Variants in PCDH15 observed in about 807,000 individuals in gnomAD.
The protein encoded by PCDH15 is protocadherin related 15.
A neutral mutation model predicts 178.5 loss-of-function variants in PCDH15; 129 were observed. The ratio of observed to expected loss-of-function variants is 0.72; its 90% confidence interval spans 0.63 to 0.84. PCDH15 has a LOEUF of 0.84. Ranked by LOEUF, PCDH15 falls within the 40% of genes least tolerant of loss-of-function variation. The pLI, the probability that PCDH15 is intolerant of heterozygous loss-of-function variation, is 0.00. For synonymous variants in PCDH15, 800 were observed against 732.0 expected (o/e 1.09, Z -1.50); for missense variants, 2,230 against 2,099.9 (o/e 1.06, Z -1.21).
chr10:54,966,645 T>C (rs1838798962), intron 2 of PCDH15, among the ~76,000 whole-genome samples: 1 of 152,096 alleles, frequency 6.6e-6, no homozygotes, highest in Non-Finnish European at 1.5e-5. Context: ...GGGAGATCAT[T>C]GAATCATGGG....
At chr10:53,990,363 C>T (rs2091381260) in intron 21 of PCDH15, among the ~76,000 whole-genome samples, 1 of 151,534 alleles carries the variant, frequency 6.6e-6, no homozygotes, top group Non-Finnish European at 1.5e-5. Context: ...AGTGAGAATA[C>T]TAAGTATTTG....
chr10:55,362,577 C>G lies in PCDH15; in HGVS notation c.-155-195926G>C, dbSNP rs142535797. ...ATCTTGTGTAAATATAGTACAGTAT[C>G]ACAACCATGAAATTGATGGATATAA... On this transcript the variant is annotated intron_variant, in intron 2 of 5. Coordinates refer to the PCDH15 transcript ENST00000613346. Among the ~76,000 whole-genome samples, 10 of 152,224 alleles carry G rather than the reference C, an allele frequency of 6.6e-5. 1 individual carries two copies. Among genetic ancestry groups the G allele is most frequent in the Middle Eastern group, 6.8e-3 (2 of 294 alleles).
At chr10:55,152,315 G>A (rs1009362329) in intron 2 of PCDH15, among the ~76,000 whole-genome samples, 1 of 151,610 alleles carries the variant, frequency 6.6e-6, no homozygotes, top group Non-Finnish European at 1.5e-5. Flanking sequence ...TCACATAATA[G>A]GTCCGTATAG....
At chr10:55,296,922 G>T (rs1843146931) in intron 1 of PCDH15, among the ~76,000 whole-genome samples, 3 of 151,952 alleles carry the variant, frequency 2.0e-5, no homozygotes, top group Non-Finnish European at 4.4e-5. Context: ...AACTTCTGTT[G>T]TTCTATTTTG....
Position 54,344,795 on chromosome 10 carries a change from TC to T in PCDH15, c.594+1569del, listed in dbSNP as rs755288945. Among the ~76,000 whole-genome samples the T allele has an allele frequency of 7.1e-4, 107 of 151,378 alleles. 1 individual carries two copies. The highest frequency in any genetic ancestry group is 1.8e-3 in the Admixed American group (28 of 15,158). On this transcript the variant is annotated intron_variant, in intron 6 of 37. Transcript: ENST00000644397. Reference sequence around the variant, plus strand: ...TTTCTTTGCTACTTCCCACTTCATTTCTTATGTAACCCTTCATACTGTCCTT... The same window carrying T: ...TTTCTTTGCTACTTCCCACTTCATTTTTATGTAACCCTTCATACTGTCCTT...
chr10:54,141,009 T>C (rs992239428), intron 14 of PCDH15, among the ~76,000 whole-genome samples: 7 of 152,014 alleles, frequency 4.6e-5, no homozygotes, highest in Admixed American at 2.0e-4. Context: ...TTCATTTATT[T>C]GCTATTTGTT....
In PCDH15 at chr10:53,803,843, C is replaced by T. The variant is rs1008124835; in HGVS notation, c.*2736G>A. 6 of 152,022 alleles carry T rather than the reference C, an allele frequency of 3.9e-5. No individual in the cohort carries two copies. Among genetic ancestry groups the T allele is most frequent in the African/African-American group, 1.4e-4 (6 of 41,526 alleles). 9.4% of individuals were successfully genotyped at this position (152,022 alleles called of 1,614,324 possible). On this transcript the variant is annotated 3_prime_UTR_variant, in exon 38 of 38. Coordinates refer to ENST00000644397, the MANE Select transcript of PCDH15 (RefSeq NM_001384140.1). ...AGCCAAGACCTGCTGTTTCTTCTGC[C>T]TGATTGAAGCTAGTGCTGATTGAGA...
intron 8 of PCDH15, among the ~76,000 whole-genome samples, chr10:54,237,881 C>T (rs1038262020): frequency 6.6e-6 from 1 of 152,160 alleles, no homozygotes; most frequent in Non-Finnish European, 1.5e-5. Flanking sequence ...AACTGTACTG[C>T]AAATCTTTTC....
intron 36 of PCDH15, 128 bp from the exon 37 acceptor site, chr10:53,810,792 C>T (rs908215741): frequency 3.1e-5 from 26 of 850,190 alleles, no homozygotes; most frequent in Non-Finnish European, 5.1e-5. Context: ...ACCTATCAGG[C>T]TCCTTGTAAA....
chr10:55,127,283 T>G (rs948095421), intron 2 of PCDH15, among the ~76,000 whole-genome samples: 1 of 152,196 alleles, frequency 6.6e-6, no homozygotes, highest in South Asian at 2.1e-4. Context: ...TACTTGATGC[T>G]TTATCATTTT....
intron 14 of PCDH15, among the ~76,000 whole-genome samples, chr10:54,142,743 T>C (rs1008027308): frequency 6.6e-6 from 1 of 152,070 alleles, no homozygotes; most frequent in Non-Finnish European, 1.5e-5. Context: ...TAATATACCA[T>C]ACAAAGATAC....
At chr10:55,152,383 T>C (rs1463398869) in intron 2 of PCDH15, among the ~76,000 whole-genome samples, 1 of 152,002 alleles carries the variant, frequency 6.6e-6, no homozygotes, top group African/African-American at 2.4e-5. Context: ...TTTTCTAGTT[T>C]TGAAAATTTG....
chr10:55,442,945 T>C (rs1173292489), intron 2 of PCDH15, among the ~76,000 whole-genome samples: 6 of 152,000 alleles, frequency 3.9e-5, no homozygotes, highest in African/African-American at 1.4e-4. Flanking sequence ...GATATAGATA[T>C]TATAGTACAA....
intron 2 of PCDH15, among the ~76,000 whole-genome samples, chr10:55,513,381 T>TAA (rs1840935301): frequency 1.3e-5 from 2 of 152,238 alleles, no homozygotes; most frequent in Admixed American, 6.6e-5. Context: ...CTATGTAGTA[T>TAA]TCTCTAGTAT....
intron 21 of PCDH15, among the ~76,000 whole-genome samples, chr10:53,977,371 A>G (rs917566515): frequency 6.6e-6 from 1 of 152,216 alleles, no homozygotes; most frequent in Non-Finnish European, 1.5e-5. Context: ...CAGTTTATGA[A>G]TTTGTGTTGG....
intron 3 of PCDH15, among the ~76,000 whole-genome samples, chr10:54,524,418 C>T (rs140495323): frequency 3.9e-5 from 6 of 152,156 alleles, no homozygotes; most frequent in Non-Finnish European, 5.9e-5. Context: ...CTGTACACTT[C>T]GGCAGATTCT....
At chr10:54,706,396 G>C (rs1182750034) in intron 1 of PCDH15, among the ~76,000 whole-genome samples, 14 of 152,006 alleles carry the variant, frequency 9.2e-5, no homozygotes, top group Non-Finnish European at 2.1e-4. Context: ...GTCAATTATA[G>C]GGCTAATAGG....
chr10:54,284,248 G>A (rs998510142), intron 8 of PCDH15, among the ~76,000 whole-genome samples: 1 of 152,154 alleles, frequency 6.6e-6, no homozygotes, highest in Non-Finnish European at 1.5e-5. Context: ...TCTACGCATG[G>A]ATGTCTGTTA....
rs188900428 is a variant in PCDH15, at chr10:54,156,934, C to T, written c.1591-3641G>A. 7.2e-5 allele frequency among the ~76,000 whole-genome samples: 11 copies of T among 152,324 alleles called. No homozygotes were observed. The East Asian group carries it at 2.1e-3, about 29-fold the overall frequency. ...TCAAATATTAAAGCTCCAAAATGAT[C>T]TCTTTTGACTTCATGTCTCACATCC... On this transcript the variant is annotated intron_variant, in intron 13 of 37. Coordinates refer to ENST00000644397, the MANE Select transcript of PCDH15 (RefSeq NM_001384140.1).
Sources: allele counts gnomAD v4.1 joint callset (sites outside exome capture counted in the v4.1 genomes callset), GRCh38; gene constraint gnomAD v4.1.1; transcripts MANE v1.5; gene names NCBI Gene and HGNC (gene_info 2026-07-23, HGNC 2026-07-21).